Variants in TSPAN13 observed in about 807,000 individuals in gnomAD.
TSPAN13 encodes the protein tetraspanin 13.
TSPAN13 carries 18 observed loss-of-function variants against 26.9 expected under a neutral mutation model. The observed-to-expected ratio is 0.67, with a 90% confidence interval of 0.46 to 0.99. The LOEUF (loss-of-function observed/expected upper bound fraction) is 0.99, where lower values mean the gene tolerates loss of function less well. Ranked by LOEUF, TSPAN13 falls within the 50% of genes least tolerant of loss-of-function variation. The pLI is 0.00. For missense variants in TSPAN13, 201 were observed against 249.6 expected (o/e 0.81, Z 1.31); for synonymous variants, 116 against 98.4 (o/e 1.18, Z -1.06).
Position 16,773,087 on chromosome 7 carries a change from A to T in TSPAN13, c.64-3124A>T, listed in dbSNP as rs183297743. Among the ~76,000 whole-genome samples, 4 of 149,986 alleles carry T rather than the reference A, an allele frequency of 2.7e-5. No homozygotes were observed. In the East Asian group the frequency reaches 7.9e-4, roughly 30 times the overall value. On this transcript the variant is annotated intron_variant, in intron 1 of 5. Transcript: ENST00000262067. ...TATTCACAGAGGGGTCAGCTGGGCT[A>T]TTCTGTTTATCTGAATTTTTTTGTG... is the stretch of plus-strand genomic sequence containing the variant.
chr7:16,774,818 C>G (rs1194729836), intron 1 of TSPAN13, among the ~76,000 whole-genome samples: 1 of 151,638 alleles, frequency 6.6e-6, no homozygotes, highest in Non-Finnish European at 1.5e-5. Context: ...TAGATGGTTC[C>G]TTTTATTCTC....
At position 16,776,243 on chromosome 7, in the gene TSPAN13, G is replaced by A. The variant is rs766812401; in HGVS notation, c.96G>A (p.Ala32=). 3.5e-5 allele frequency: 56 copies of A among 1,613,888 alleles called. No individual in the cohort carries two copies. Among genetic ancestry groups the A allele is most frequent in the African/African-American group, 4.0e-5 (3 of 74,854 alleles). Residue 32 remains alanine, a synonymous_variant, in exon 2 of 6, where the codon GCG becomes GCA. Coordinates refer to ENST00000262067, the MANE Select transcript of TSPAN13 (RefSeq NM_014399.4). ...GTCTGCTGCTAATTGGAATTGCTGC[G>A]TGGGGCATTGGCTTCGGGCTGATTT... The part of the protein sequence containing the change: ...LVSLLLIGIA[A]WGIGFGLISS...
At chr7:16,778,946 A>G (rs1038691954) in intron 4 of TSPAN13, 57 bp from the exon 5 acceptor site, 4 of 1,358,196 alleles carry the variant, frequency 2.9e-6, no homozygotes, top group Non-Finnish European at 4.1e-6. Flanking sequence ...TGCAGTTTTT[A>G]TGGGCTTTTT....
intron 1 of TSPAN13, 99 bp from the exon 2 acceptor site, chr7:16,776,112 G>T (rs1028194188): frequency 8.7e-7 from 1 of 1,155,054 alleles, no homozygotes; most frequent in Admixed American, 2.4e-5. Flanking sequence ...GACTACGTAG[G>T]TGCCTGAAGG....
rs913982511 is a variant in TSPAN13 at position 16,783,420 on chromosome 7, C to T, written c.544C>T (p.Leu182=). ...TATTTTTTTTTCCCCATTCCAGATC[C>T]TGGGTGTTTGGCTGACCTACAGATA... ...IGLFFSFTEI[L]GVWLTYRYRN... is the part of the protein sequence containing the mutation. The change falls in exon 6 of 6, where the codon CTG becomes TTG. Residue 182 remains leucine (L), a synonymous_variant. Coordinates refer to ENST00000262067, the MANE Select transcript of TSPAN13 (RefSeq NM_014399.4). The T allele has an allele frequency of 2.5e-6, 4 of 1,613,096 alleles. No homozygotes were observed. Among genetic ancestry groups the T allele is most frequent in the Non-Finnish European group, 1.7e-6 (2 of 1,179,514 alleles).
chr7:16,776,479 C>A, intron 2 of TSPAN13, 101 bp downstream of exon 2: 1 of 1,139,466 alleles, frequency 8.8e-7, no homozygotes, highest in Admixed American at 2.4e-5. Flanking sequence ...GAAAGCAACT[C>A]CAAGCAAGCC....
At chr7:16,775,975 A>G in intron 1 of TSPAN13, 2 of 412,456 alleles carry the variant, frequency 4.8e-6, no homozygotes, top group Non-Finnish European at 8.5e-6. Flanking sequence ...TTTGCGTATT[A>G]TCAGTCTTTT....
chr7:16,782,012 T>C (rs2389700), intron 5 of TSPAN13, among the ~76,000 whole-genome samples: 133,083 of 152,174 alleles, frequency 0.87, 58,282 homozygotes, highest in East Asian at 0.97. Context: ...TGTGATTATT[T>C]TGTTTAACCT....
At position 16,759,867 on chromosome 7, in the gene TSPAN13, A is replaced by G. The variant is rs569095814; in HGVS notation, c.63+5837A>G. On this transcript the variant is annotated intron_variant, in intron 1 of 5. Coordinates refer to ENST00000262067, the MANE Select transcript of TSPAN13 (RefSeq NM_014399.4). ...CCATACCCAGCTAATTTTAAAAAAT[A>G]TTTTGTAGAGACGGGGTCTGTGTTG... 8.8e-4 allele frequency among the ~76,000 whole-genome samples: 134 copies of G among 152,120 alleles called. 1 individual carries two copies. The highest frequency in any genetic ancestry group is 3.1e-3 in the African/African-American group (127 of 41,522).
intron 1 of TSPAN13, among the ~76,000 whole-genome samples, chr7:16,755,485 G>C (rs1784471918): frequency 6.6e-6 from 1 of 151,414 alleles, no homozygotes; most frequent in Admixed American, 6.6e-5. Context: ...GTATCACCCT[G>C]AGGTATGCTT....
intron 1 of TSPAN13, among the ~76,000 whole-genome samples, chr7:16,762,390 T>C (rs1321441332): frequency 2.6e-5 from 4 of 152,182 alleles, no homozygotes; most frequent in Non-Finnish European, 5.9e-5. Context: ...GCTTAAAGTG[T>C]AGAAGGCCCA....
chr7:16,754,725 C>A (rs1252407392), intron 1 of TSPAN13, among the ~76,000 whole-genome samples: 1 of 152,188 alleles, frequency 6.6e-6, no homozygotes, highest in Admixed American at 6.5e-5. Flanking sequence ...AGCCCCCACC[C>A]AAGTCGTTTC....
At chr7:16,766,473 A>G (rs962948017) in intron 1 of TSPAN13, among the ~76,000 whole-genome samples, 5 of 152,218 alleles carry the variant, frequency 3.3e-5, no homozygotes, top group Non-Finnish European at 7.3e-5. Context: ...GTCTTGGTTC[A>G]CTTTTGAAAC....
chr7:16,764,324 GCT>G (rs1035862189), intron 1 of TSPAN13, among the ~76,000 whole-genome samples: 1 of 152,108 alleles, frequency 6.6e-6, no homozygotes, highest in Admixed American at 6.5e-5. Context: ...ACCGCGCCTG[GCT>G]CTCTTTGTTC....
intron 1 of TSPAN13, among the ~76,000 whole-genome samples, chr7:16,769,540 G>GGT (rs1391752611): frequency 6.6e-6 from 1 of 151,676 alleles, no homozygotes; most frequent in Non-Finnish European, 1.5e-5. Context: ...TATATTTTGG[G>GGT]GGTATATTAC....
At chr7:16,763,666 T>G (rs981477800) in intron 1 of TSPAN13, among the ~76,000 whole-genome samples, 3 of 152,208 alleles carry the variant, frequency 2.0e-5, no homozygotes, top group African/African-American at 7.2e-5. Flanking sequence ...GACACGCTTA[T>G]TGACCCTGTT....
At chr7:16,761,477 CATT>C in intron 1 of TSPAN13, among the ~76,000 whole-genome samples, 1 of 152,204 alleles carries the variant, frequency 6.6e-6, no homozygotes, top group African/African-American at 2.4e-5. Flanking sequence ...TGTAATTCCT[CATT>C]ATGAATGTTG....
chr7:16,782,738 A>G (rs1784827202), intron 5 of TSPAN13, among the ~76,000 whole-genome samples: 1 of 152,166 alleles, frequency 6.6e-6, no homozygotes, highest in African/African-American at 2.4e-5. Flanking sequence ...TACTGAACTT[A>G]GTTTATTCCT....
chr7:16,777,511 C>CA (rs1784767476), intron 3 of TSPAN13, among the ~76,000 whole-genome samples: 2 of 152,148 alleles, frequency 1.3e-5, no homozygotes, highest in Admixed American at 6.5e-5. Flanking sequence ...AGCAACAGAA[C>CA]TTTTGCCTTG....
Sources: gnomAD v4.1 joint callset for allele counts (sites outside exome capture counted in the v4.1 genomes callset) on GRCh38, gnomAD v4.1.1 for gene constraint, MANE v1.5 for transcripts, NCBI Gene and HGNC (gene_info 2026-07-23, HGNC 2026-07-21) for gene names.